Variants in GRID2 observed in about 807,000 individuals in gnomAD.
GRID2 encodes glutamate ionotropic receptor delta type subunit 2.
GRID2 carries 33 observed loss-of-function variants against 114.8 expected under a neutral mutation model. The ratio of observed to expected loss-of-function variants is 0.29; its 90% CI spans 0.22 to 0.38. GRID2 has a LOEUF of 0.38. Among genes scored for constraint, GRID2 ranks in the 10% least tolerant of loss-of-function variants. The pLI, the probability that GRID2 is intolerant of heterozygous loss-of-function variation, is 1.00. For missense variants in GRID2, 1,184 were observed against 1,257.7 expected, an observed-to-expected ratio of 0.94 and a Z score of 0.89; for synonymous variants, 505 against 449.9, an observed-to-expected ratio of 1.12 and a Z score of -1.55.
intron 2 of GRID2, among the ~76,000 whole-genome samples, chr4:92,753,143 T>A (rs955351116): frequency 1.3e-5 from 2 of 152,162 alleles, no homozygotes; most frequent in African/African-American, 4.8e-5. Flanking sequence ...ATTAGTTAGG[T>A]AACTGCTCAA....
intron 1 of GRID2, among the ~76,000 whole-genome samples, chr4:92,575,709 C>T (rs1167382891): frequency 6.6e-6 from 1 of 152,146 alleles, no homozygotes; most frequent in South Asian, 2.1e-4. Flanking sequence ...CTGAACCCTC[C>T]TGTAGGAGGT....
At chr4:92,934,911 G>T (rs1440204378) in intron 2 of GRID2, among the ~76,000 whole-genome samples, 3 of 146,602 alleles carry the variant, frequency 2.0e-5, no homozygotes, top group East Asian at 4.3e-4. Context: ...AGACTTAAAC[G>T]TTCGACCTAA....
At chr4:93,157,567 G>A (rs1002337424) in intron 4 of GRID2, among the ~76,000 whole-genome samples, 1 of 151,612 alleles carries the variant, frequency 6.6e-6, no homozygotes, top group Admixed American at 6.6e-5. Context: ...AAGTAGAAAC[G>A]CTGCACAAAA....
chr4:92,604,133 T>C (rs1729347638), intron 2 of GRID2, among the ~76,000 whole-genome samples: 1 of 152,120 alleles, frequency 6.6e-6, no homozygotes, highest in Admixed American at 6.6e-5. Context: ...AGTGTGGCAA[T>C]TCCTCAAAGA....
intron 2 of GRID2, among the ~76,000 whole-genome samples, chr4:92,644,794 T>C (rs993212411): frequency 6.6e-6 from 1 of 151,610 alleles, no homozygotes; most frequent in East Asian, 1.9e-4. Context: ...TTCTCAAATT[T>C]ATTAGAAGAC....
intron 11 of GRID2, among the ~76,000 whole-genome samples, chr4:93,475,880 T>C (rs1166830752): frequency 3.9e-5 from 6 of 152,136 alleles, no homozygotes. Flanking sequence ...TTTTAAAACA[T>C]TAAAAGCTAA....
intron 8 of GRID2, among the ~76,000 whole-genome samples, chr4:93,308,071 T>A (rs1276920775): frequency 6.6e-6 from 1 of 152,266 alleles, no homozygotes; most frequent in East Asian, 1.9e-4. Flanking sequence ...AGGCAAAATC[T>A]TCCTAAATTT....
intron 4 of GRID2, among the ~76,000 whole-genome samples, chr4:93,171,722 T>A (rs1579186270): frequency 1.3e-5 from 2 of 152,266 alleles, no homozygotes; most frequent in East Asian, 3.9e-4. Flanking sequence ...TACTCTCATA[T>A]AGGCATATAT....
chr4:92,340,886 T>A (rs925579630), intron 1 of GRID2, among the ~76,000 whole-genome samples: 4 of 152,192 alleles, frequency 2.6e-5, no homozygotes, highest in Non-Finnish European at 4.4e-5. Context: ...CTGAGTTTTT[T>A]TCTGAGACCA....
chr4:93,039,480 A>G (rs1400665073), intron 2 of GRID2, among the ~76,000 whole-genome samples: 1 of 152,012 alleles, frequency 6.6e-6, no homozygotes, highest in Non-Finnish European at 1.5e-5. Context: ...TATATATAGT[A>G]TATATACATA....
At chr4:92,619,906 C>T (rs573734247) in intron 2 of GRID2, among the ~76,000 whole-genome samples, 2 of 144,204 alleles carry the variant, frequency 1.4e-5, no homozygotes, top group South Asian at 2.4e-4. Context: ...CTTTTTTTTT[C>T]CCCCACAGGA....
At chr4:92,904,201 C>G (rs2149483669) in intron 2 of GRID2, among the ~76,000 whole-genome samples, 1 of 151,008 alleles carries the variant, frequency 6.6e-6, no homozygotes, top group South Asian at 2.1e-4. Flanking sequence ...GGCCTTTTTT[C>G]AAAATTTTTT....
chr4:92,953,410 C>T (rs934868276), intron 2 of GRID2, among the ~76,000 whole-genome samples: 1 of 152,126 alleles, frequency 6.6e-6, no homozygotes, highest in African/African-American at 2.4e-5. Flanking sequence ...TGTTGATGCT[C>T]TTAGCTTTAG....
chr4:92,577,080 G>A (rs923642995), intron 1 of GRID2, among the ~76,000 whole-genome samples: 1 of 152,112 alleles, frequency 6.6e-6, no homozygotes, highest in Non-Finnish European at 1.5e-5. Flanking sequence ...CAGAAGCATA[G>A]CATATTCGAA....
intron 2 of GRID2, among the ~76,000 whole-genome samples, chr4:93,022,449 C>G (rs1723461772): frequency 6.6e-6 from 1 of 151,722 alleles, no homozygotes. Flanking sequence ...AATTTTTTCA[C>G]ATTGTCTTGC....
At chr4:92,913,279 C>T (rs540789024) in intron 2 of GRID2, among the ~76,000 whole-genome samples, 1 of 151,882 alleles carries the variant, frequency 6.6e-6, no homozygotes, top group African/African-American at 2.4e-5. Flanking sequence ...TGGAAAATAA[C>T]TTGGAAAGTT....
intron 2 of GRID2, among the ~76,000 whole-genome samples, chr4:92,940,968 GCCA>G (rs1180800311): frequency 6.6e-6 from 1 of 152,140 alleles, no homozygotes; most frequent in Non-Finnish European, 1.5e-5. Flanking sequence ...GATTCGGTTT[GCCA>G]GTATTTTATT....
At chr4:92,501,804 A>T (rs934870681) in intron 1 of GRID2, among the ~76,000 whole-genome samples, 4 of 152,168 alleles carry the variant, frequency 2.6e-5, no homozygotes, top group Admixed American at 1.3e-4. Context: ...GCACTTTTAA[A>T]ATTATATTCC....
rs1407179763 is a variant in GRID2 at position 92,910,577 on chromosome 4, G to A, written c.245-174418G>A. On this transcript the variant is annotated intron_variant, in intron 2 of 15. Transcript: ENST00000282020. ...ACTGTACTGAGGCTTTGTCAAGGGA[G>A]GAGAAGGTAGTGCTAAATACAATGA... Among the ~76,000 whole-genome samples, 6 of 152,246 alleles carry A rather than the reference G, an allele frequency of 3.9e-5. No individual in the cohort carries two copies. In the East Asian group the frequency reaches 1.2e-3, roughly 29 times the overall value.
Sources: allele counts gnomAD v4.1 joint callset (sites outside exome capture counted in the v4.1 genomes callset), GRCh38; gene constraint gnomAD v4.1.1; transcripts MANE v1.5; gene names NCBI Gene and HGNC (gene_info 2026-07-23, HGNC 2026-07-21).